The following ROBO1 variants were observed in gnomAD, a reference collection of about 807,000 sequenced individuals.
ROBO1 encodes the protein roundabout homolog 1.
A neutral mutation model predicts 195.9 loss-of-function variants in ROBO1; 149 were observed. That is an observed-to-expected ratio of 0.76 (90% CI 0.67 to 0.87). The LOEUF is 0.87. Ranked by LOEUF, ROBO1 falls within the 40% of genes least tolerant of loss-of-function variation. The pLI is 0.00. For synonymous variants in ROBO1, 816 were observed against 733.2 expected, an observed-to-expected ratio of 1.11 and a Z score of -1.82; for missense variants, 1,933 against 2,068.3, an observed-to-expected ratio of 0.93 and a Z score of 1.27.
chr3:79,089,838 A>G (rs945142827), intron 3 of ROBO1, among the ~76,000 whole-genome samples: 4 of 151,108 alleles, frequency 2.6e-5, no homozygotes, highest in African/African-American at 9.8e-5. Context: ...TCATCTGCCT[A>G]TTTTTCTATT....
intron 4 of ROBO1, among the ~76,000 whole-genome samples, chr3:78,937,286 T>G (rs2039865337): frequency 6.6e-6 from 1 of 151,862 alleles, no homozygotes; most frequent in Admixed American, 6.6e-5. Context: ...ATGTATAATT[T>G]TATGCTTATT....
At chr3:78,901,584 C>G (rs2037590712) in intron 4 of ROBO1, among the ~76,000 whole-genome samples, 1 of 151,992 alleles carries the variant, frequency 6.6e-6, no homozygotes, top group Admixed American at 6.6e-5. Context: ...TGTCAGAAAG[C>G]TTTTAAAATT....
At chr3:78,820,420 T>C (rs2030766560) in intron 4 of ROBO1, among the ~76,000 whole-genome samples, 1 of 152,170 alleles carries the variant, frequency 6.6e-6, no homozygotes, top group Admixed American at 6.5e-5. Flanking sequence ...AGCTAGGAAA[T>C]GTCAAGGCCT....
chr3:78,598,779 A>G lies in ROBO1; in HGVS notation c.*134T>C. ...AATAAAGTTTTTAAAATGATATCCC[A>G]ATAAGAGGAATAAAAACGACAATTT... On this transcript the variant is annotated 3_prime_UTR_variant, in exon 31 of 31. Transcript: ENST00000464233. 1 of 544,700 alleles carries G rather than the reference A, an allele frequency of 1.8e-6. No individual in the cohort carries two copies. The highest frequency in any genetic ancestry group is 3.3e-6 in the Non-Finnish European group (1 of 304,266). 33.7% of individuals were successfully genotyped at this position (544,700 alleles called of 1,614,324 possible).
At chr3:79,023,150 G>A (rs1270053036) in intron 3 of ROBO1, among the ~76,000 whole-genome samples, 3 of 2,724 alleles carry the variant, frequency 1.1e-3, no homozygotes, top group East Asian at 0.5. Flanking sequence ...CAAAACTGAT[G>A]AGAAGCAGTG....
chr3:79,080,541 AG>A (rs2079253827), intron 3 of ROBO1, among the ~76,000 whole-genome samples: 1 of 152,114 alleles, frequency 6.6e-6, no homozygotes, highest in Non-Finnish European at 1.5e-5. Flanking sequence ...CTTAAATTAT[AG>A]GGATATAAAC....
intron 3 of ROBO1, among the ~76,000 whole-genome samples, chr3:79,024,654 G>T (rs2078169010): frequency 6.6e-6 from 1 of 152,134 alleles, no homozygotes; most frequent in Non-Finnish European, 1.5e-5. Flanking sequence ...GATGAGCATT[G>T]TGAGTCCCCC....
chr3:79,641,249 A>G (rs1359763260), intron 1 of ROBO1, among the ~76,000 whole-genome samples: 1 of 152,114 alleles, frequency 6.6e-6, no homozygotes, highest in Non-Finnish European at 1.5e-5. Context: ...CTTCATTTTT[A>G]CTAATCAAAA....
chr3:79,043,934 T>C (rs191893831), intron 3 of ROBO1, among the ~76,000 whole-genome samples: 15 of 152,140 alleles, frequency 9.9e-5, no homozygotes, highest in Non-Finnish European at 1.9e-4. Context: ...TGCACGATAA[T>C]TCACCTACAA....
intron 2 of ROBO1, among the ~76,000 whole-genome samples, chr3:79,490,737 C>G (rs1275516313): frequency 6.6e-6 from 1 of 152,178 alleles, no homozygotes; most frequent in Non-Finnish European, 1.5e-5. Context: ...GAAATGCGGT[C>G]AAGGACTCAA....
intron 2 of ROBO1, among the ~76,000 whole-genome samples, chr3:79,218,228 A>G (rs1307269083): frequency 1.3e-5 from 2 of 152,004 alleles, no homozygotes; most frequent in Non-Finnish European, 2.9e-5. Flanking sequence ...CTATCTAAAA[A>G]TTAGGAAATT....
intron 4 of ROBO1, among the ~76,000 whole-genome samples, chr3:78,778,365 G>A (rs1260367497): frequency 6.6e-6 from 1 of 152,112 alleles, no homozygotes; most frequent in Non-Finnish European, 1.5e-5. Flanking sequence ...AGTTAGGGAG[G>A]AGTCCCTCTT....
intron 2 of ROBO1, among the ~76,000 whole-genome samples, chr3:79,266,451 G>T (rs1296346820): frequency 6.6e-6 from 1 of 151,508 alleles, no homozygotes; most frequent in African/African-American, 2.4e-5. Flanking sequence ...ATCCTTCTTA[G>T]CTACAGAATA....
chr3:79,592,517 C>T (rs1326215777), intron 1 of ROBO1, among the ~76,000 whole-genome samples: 1 of 151,926 alleles, frequency 6.6e-6, no homozygotes. Context: ...CATTTCAGTA[C>T]TTTGAAGTTT....
chr3:78,907,627 AT>A (rs1423500634), intron 4 of ROBO1, among the ~76,000 whole-genome samples: 2 of 152,062 alleles, frequency 1.3e-5, no homozygotes, highest in Admixed American at 6.6e-5. Flanking sequence ...TGAAAAAGAA[AT>A]ATTACACTCA....
At chr3:78,918,686 T>C (rs1158560368) in intron 4 of ROBO1, among the ~76,000 whole-genome samples, 1 of 152,142 alleles carries the variant, frequency 6.6e-6, no homozygotes, top group Non-Finnish European at 1.5e-5. Context: ...TTTCCAAGTT[T>C]AGACTGTCAA....
At chr3:79,094,974 A>G (rs2079542324) in intron 3 of ROBO1, among the ~76,000 whole-genome samples, 1 of 142,216 alleles carries the variant, frequency 7.0e-6, no homozygotes, top group South Asian at 2.2e-4. Flanking sequence ...CCTTCCTTCC[A>G]CAATTATGAA....
intron 4 of ROBO1, among the ~76,000 whole-genome samples, chr3:78,907,978 T>A (rs1274356532): frequency 6.6e-6 from 1 of 151,930 alleles, no homozygotes; most frequent in Non-Finnish European, 1.5e-5. Context: ...CCGCCCAAAG[T>A]ATCATTCATG....
chr3:79,214,732 CTA>C lies in ROBO1; in HGVS notation c.89-89195_89-89194del, dbSNP rs146267040. 3.5e-3 allele frequency among the ~76,000 whole-genome samples: 493 copies of C among 142,356 alleles called. 9 individuals carry two copies. Among genetic ancestry groups the C allele is most frequent in the East Asian group, 0.03 (147 of 4,974 alleles). 93.4% of individuals were successfully genotyped at this position (142,356 alleles called of 152,430 possible). A position where few individuals can be genotyped will look rare whatever the true frequency, so the allele number is the denominator to read the frequency against. On this transcript the variant is annotated intron_variant, in intron 2 of 30. Coordinates refer to ENST00000464233, the MANE Select transcript of ROBO1 (RefSeq NM_002941.4). ...AGTAATTGCTATATATATATATTTG[CTA>C]TATATATATATAGCATGTATATATA...
Sources: gnomAD v4.1 joint callset for allele counts (sites outside exome capture counted in the v4.1 genomes callset) on GRCh38, gnomAD v4.1.1 for gene constraint, MANE v1.5 for transcripts, NCBI Gene and HGNC (gene_info 2026-07-23, HGNC 2026-07-21) for gene names.